Variants in ERFL observed in about 807,000 individuals in gnomAD.
The protein encoded by ERFL is ETS repressor factor like, also known as ETS domain-containing transcription factor ERF-like.
Under a neutral mutation model 27.9 loss-of-function variants are expected in ERFL, and 8 were observed. The observed-to-expected ratio is 0.29, with a 90% confidence interval of 0.17 to 0.52. The LOEUF (loss-of-function observed/expected upper bound fraction) is 0.52, where lower values mean the gene tolerates loss of function less well. Ranked by LOEUF, ERFL falls within the 20% of genes least tolerant of loss-of-function variation. The probability of loss-of-function intolerance (pLI) is 0.97; values close to 1 mark genes in which losing one functional copy is unlikely to be tolerated. For missense variants in ERFL, 294 were observed against 444.4 expected (o/e 0.66, Z 3.04); for synonymous variants, 174 against 202.8 (o/e 0.86, Z 1.21).
At chr19:41,918,462 A>ACACACCACACACGCACCACG (rs1555852138) in intron 1 of ERFL, among the ~76,000 whole-genome samples, 6 of 145,872 alleles carry the variant, frequency 4.1e-5, no homozygotes, top group Admixed American at 6.8e-5. Context: ...TGCACCACCT[A>ACACACCACACACGCACCACG]CACACCACAC....
Position 41,910,404 on chromosome 19 carries a change from A to G in ERFL, c.68-307T>C, listed in dbSNP as rs1345556157. ...GAGGGACTGGCTTCCTGCACCCATG[A>G]CAGTGAGGAGGAATGGGGAGGGGCA... On this transcript the variant is annotated intron_variant, in intron 2 of 5. Coordinates refer to ENST00000597630, the MANE Select transcript of ERFL (RefSeq NM_001365103.2). This position sits in a 1 kb window ranked among gnomAD's most constrained non-coding sequence, Gnocchi z 4.4. Among the ~76,000 whole-genome samples the G allele has an allele frequency of 1.3e-5, 2 of 152,152 alleles. No homozygotes were observed. The highest frequency in any genetic ancestry group is 3.9e-4 in the East Asian group (2 of 5,172).
In ERFL at chr19:41,908,933, A is replaced by C. The variant is rs1352041420; in HGVS notation, c.616+127T>G. On this transcript the variant is annotated intron_variant, in intron 5 of 5. Coordinates refer to ENST00000597630, the MANE Select transcript of ERFL (RefSeq NM_001365103.2). This position sits in a 1 kb window ranked among gnomAD's most constrained non-coding sequence, Gnocchi z 6.7. ...ACATCCTTTTCTGGGTTTTACACAC[A>C]CACACCCTACAACCTGGCCCTGGGC... The C allele has an allele frequency of 3.6e-6, 2 of 549,304 alleles. No individual in the cohort carries two copies. The highest frequency in any genetic ancestry group is 5.5e-6 in the Non-Finnish European group (2 of 365,676). 34.0% of individuals were successfully genotyped at this position (549,304 alleles called of 1,614,324 possible).
chr19:41,922,641 G>A (rs1210418984), intron 1 of ERFL, among the ~76,000 whole-genome samples: 1 of 152,098 alleles, frequency 6.6e-6, no homozygotes, highest in Non-Finnish European at 1.5e-5. Context: ...GCAGGCCTGA[G>A]GGCTAGGGCA....
intron 1 of ERFL, among the ~76,000 whole-genome samples, chr19:41,920,031 G>T (rs1467172504): frequency 1.5e-5 from 2 of 133,322 alleles, no homozygotes; most frequent in Non-Finnish European, 3.1e-5. Context: ...CGCGCTCACA[G>T]ACATGATACG....
chr19:41,921,266 GA>G lies in ERFL; in HGVS notation c.-14+6773del, dbSNP rs2074840724. Among the ~76,000 whole-genome samples the G allele has an allele frequency of 6.6e-6, 1 of 152,148 alleles. No individual in the cohort carries two copies. The highest frequency in any genetic ancestry group is 2.4e-5 in the African/African-American group (1 of 41,426). On this transcript the variant is annotated intron_variant, in intron 1 of 5. Transcript: ENST00000597630. The surrounding 1 kb of genome is among the most constrained non-coding windows in gnomAD (Gnocchi z 4.4). ...TGGAGGTTGGGGTGGGGGGCACAGA[GA>G]AGGGGAGACATGCAGGGAGGAAGAG...
rs1047466521 is a variant in ERFL, at chr19:41,920,074, C to G, written c.-13-7142G>C. ...ACATGACACACCCAGATGTGACACA[C>G]TCACAGACATGACACGCTCACAGAC... On this transcript the variant is annotated intron_variant, in intron 1 of 5. Transcript: ENST00000597630. Among the ~76,000 whole-genome samples the G allele has an allele frequency of 6.6e-5, 9 of 135,430 alleles. No individual in the cohort carries two copies. The East Asian group carries it at 1.3e-3, about 19-fold the overall frequency. 88.8% of individuals were successfully genotyped at this position (135,430 alleles called of 152,430 possible).
chr19:41,915,249 C>CG (rs2074793810), intron 1 of ERFL, among the ~76,000 whole-genome samples: 1 of 150,258 alleles, frequency 6.7e-6, no homozygotes. Flanking sequence ...GTGGGATCGG[C>CG]GCTCCGGGCC....
chr19:41,909,360 T>C lies in ERFL; in HGVS notation c.414A>G (p.Ala138=). The C allele has an allele frequency of 8.1e-7, 1 of 1,236,040 alleles. No homozygotes were observed. Among genetic ancestry groups the C allele is most frequent in the East Asian group, 3.2e-5 (1 of 31,720 alleles). 76.6% of individuals were successfully genotyped at this position (1,236,040 alleles called of 1,614,324 possible). Residue 138 remains alanine, a synonymous_variant, in exon 4 of 6, where the codon GCA becomes GCG. Coordinates refer to ENST00000597630, the MANE Select transcript of ERFL (RefSeq NM_001365103.2). This position sits in a 1 kb window ranked among gnomAD's most constrained non-coding sequence, Gnocchi z 5.2. ...GCAAGAGTGGGGAGCCAGTGGCAGC[T>C]GCCGCCATGTCCAGCAGCGGGTAAT... ...LVNYPLLDMA[A]AATGSPLLLT...
rs1366652189 is a variant in ERFL, at chr19:41,908,549, G to C, written c.744C>G (p.Pro248=). The change falls in exon 6 of 6, where the codon CCC becomes CCG. Residue 248 remains proline, a synonymous_variant. Coordinates refer to ENST00000597630, the MANE Select transcript of ERFL (RefSeq NM_001365103.2). The surrounding 1 kb of genome is among the most constrained non-coding windows in gnomAD (Gnocchi z 6.7). The stretch of plus-strand genomic sequence containing the variant: ...CCAGAGGGTTGGGGTAGAAATGCGG[G>C]GGGTAGAGAGAGGGAGGCAGCTTGG... ...PFPKLPPSLY[P]PHFYPNPLAS... 21 of 1,231,690 alleles carry C rather than the reference G, an allele frequency of 1.7e-5. No individual in the cohort carries two copies. The East Asian group carries it at 2.2e-4, about 13-fold the overall frequency. The allele number at this position is 1,231,690 out of a possible 1,614,324, so 76.3% of individuals were successfully genotyped here.
At position 41,916,793 on chromosome 19, in the gene ERFL, C is replaced by G. The variant is rs2074804314; in HGVS notation, c.-13-3861G>C. ...CCACACACACACCCATTCACAGACA[C>G]AGTCACAATCACACACACACACCAA... On this transcript the variant is annotated intron_variant, in intron 1 of 5. Transcript: ENST00000597630. The surrounding 1 kb of genome is among the most constrained non-coding windows in gnomAD (Gnocchi z 5.4). Among the ~76,000 whole-genome samples, 1 of 152,108 alleles carries G rather than the reference C, an allele frequency of 6.6e-6. No homozygotes were observed. Among genetic ancestry groups the G allele is most frequent in the Non-Finnish European group, 1.5e-5 (1 of 68,018 alleles).
At position 41,921,313 on chromosome 19, in the gene ERFL, G is replaced by A. The variant is rs1288791624; in HGVS notation, c.-14+6727C>T. On this transcript the variant is annotated intron_variant, in intron 1 of 5. Coordinates refer to ENST00000597630, the MANE Select transcript of ERFL (RefSeq NM_001365103.2). The surrounding 1 kb of genome is among the most constrained non-coding windows in gnomAD (Gnocchi z 4.4). ...AAGAGAGACCGAGGGGGTGGAGCGT[G>A]ATACATGGAGAACTGAGAGGAAGCA... 1.3e-5 allele frequency among the ~76,000 whole-genome samples: 2 copies of A among 152,152 alleles called. No homozygotes were observed. Among genetic ancestry groups the A allele is most frequent in the Non-Finnish European group, 2.9e-5 (2 of 68,014 alleles).
In ERFL at chr19:41,917,512, C is replaced by G. The variant is rs1372647668; in HGVS notation, c.-13-4580G>C. Among the ~76,000 whole-genome samples, 1 of 150,668 alleles carries G rather than the reference C, an allele frequency of 6.6e-6. No individual in the cohort carries two copies. Among genetic ancestry groups the G allele is most frequent in the Non-Finnish European group, 1.5e-5 (1 of 67,706 alleles). On this transcript the variant is annotated intron_variant, in intron 1 of 5. Coordinates refer to ENST00000597630, the MANE Select transcript of ERFL (RefSeq NM_001365103.2). The surrounding 1 kb of genome is among the most constrained non-coding windows in gnomAD (Gnocchi z 4.8). The stretch of plus-strand genomic sequence containing the variant: ...CCACCTCCCCTTAACACAATCTGCA[C>G]AATCGGAATGAAAATTGATTTTTTT...
At chr19:41,912,685 T>C (rs1306457827) in intron 2 of ERFL, among the ~76,000 whole-genome samples, 168 bp downstream of exon 2, 2 of 152,164 alleles carry the variant, frequency 1.3e-5, no homozygotes, top group Non-Finnish European at 2.9e-5. Context: ...GCGAAGTTTT[T>C]AGCCAAGTTT....
intron 1 of ERFL, among the ~76,000 whole-genome samples, chr19:41,919,502 CGTGCACGCGT>C (rs2145902007): frequency 7.1e-6 from 1 of 141,714 alleles, no homozygotes; most frequent in South Asian, 2.1e-4. Flanking sequence ...CACGTGTGCA[CGTGCACGCGT>C]ACACACACAC....
Position 41,921,789 on chromosome 19 carries a change from G to A in ERFL, c.-14+6251C>T, listed in dbSNP as rs563044584. Among the ~76,000 whole-genome samples, 9 of 152,058 alleles carry A rather than the reference G, an allele frequency of 5.9e-5. No homozygotes were observed. In the South Asian group the frequency reaches 8.3e-4, roughly 14 times the overall value. ...GGCAGACCTAAGGTGTGGATTCCTC[G>A]TCCTCCGCCCCACCTCGCCCTTCTT... is the stretch of plus-strand genomic sequence containing the variant. On this transcript the variant is annotated intron_variant, in intron 1 of 5. Coordinates refer to ENST00000597630, the MANE Select transcript of ERFL (RefSeq NM_001365103.2). The surrounding 1 kb of genome is among the most constrained non-coding windows in gnomAD (Gnocchi z 4.4).
intron 1 of ERFL, among the ~76,000 whole-genome samples, chr19:41,920,651 A>G (rs2074836780): frequency 6.6e-6 from 1 of 152,256 alleles, no homozygotes; most frequent in African/African-American, 2.4e-5. Context: ...AGGAGCACGC[A>G]TGTCTACACA....
intron 1 of ERFL, among the ~76,000 whole-genome samples, chr19:41,922,450 C>G (rs1429161558): frequency 6.6e-6 from 1 of 152,042 alleles, no homozygotes; most frequent in African/African-American, 2.4e-5. Flanking sequence ...CGGGAGCACA[C>G]AGGGACAGGG....
At chr19:41,914,035 C>T (rs1290552849) in intron 1 of ERFL, among the ~76,000 whole-genome samples, 1 of 150,200 alleles carries the variant, frequency 6.7e-6, no homozygotes, top group Non-Finnish European at 1.5e-5. Context: ...AGAAACCCCT[C>T]AGACCCTGGC....
chr19:41,913,800 T>C (rs1599673364), intron 1 of ERFL, among the ~76,000 whole-genome samples: 1 of 71,240 alleles, frequency 1.4e-5, no homozygotes, highest in Non-Finnish European at 2.8e-5. Flanking sequence ...GCGCCTCCCC[T>C]CCACACACAC....
Sources: allele counts gnomAD v4.1 joint callset (sites outside exome capture counted in the v4.1 genomes callset), GRCh38; gene constraint gnomAD v4.1.1; non-coding constraint Gnocchi (gnomAD v3.1); transcripts MANE v1.5; gene names NCBI Gene and HGNC (gene_info 2026-07-23, HGNC 2026-07-21).